Variants in MAN1A2 observed in about 807,000 individuals in gnomAD.
MAN1A2 encodes mannosidase alpha class 1A member 2, also known as mannosyl-oligosaccharide 1,2-alpha-mannosidase IB.
A neutral mutation model predicts 75.7 loss-of-function variants in MAN1A2; 26 were observed. The observed-to-expected ratio is 0.34, with a 90% CI of 0.25 to 0.48. MAN1A2 has a LOEUF of 0.48. Ranked by LOEUF, MAN1A2 falls within the 20% of genes least tolerant of loss-of-function variation. MAN1A2 has a pLI of 0.99. For missense variants in MAN1A2, 562 were observed against 775.5 expected (o/e 0.72, Z 3.27); for synonymous variants, 247 against 264.6 (o/e 0.93, Z 0.65).
At chr1:117,464,114 C>A (rs945588408) in intron 7 of MAN1A2, among the ~76,000 whole-genome samples, 11 of 152,076 alleles carry the variant, frequency 7.2e-5, no homozygotes, top group Admixed American at 5.9e-4. Flanking sequence ...ACCTGTAGTA[C>A]CAGCACTTTG....
chr1:117,417,730 TCTC>T (rs1245627572), intron 4 of MAN1A2, among the ~76,000 whole-genome samples: 1 of 150,562 alleles, frequency 6.6e-6, no homozygotes, highest in Non-Finnish European at 1.5e-5. Context: ...TCTCTCTCTC[TCTC>T]ATCAAAGTAT....
At chr1:117,436,049 C>A (rs1179024600) in intron 5 of MAN1A2, among the ~76,000 whole-genome samples, 2 of 151,826 alleles carry the variant, frequency 1.3e-5, no homozygotes, top group Non-Finnish European at 2.9e-5. Flanking sequence ...CAGAGTGAGA[C>A]TCCGTTTCAA....
rs115220199 is a variant in MAN1A2 at position 117,373,330 on chromosome 1, C to G, written c.302+4845C>G. Among the ~76,000 whole-genome samples, 1,058 of 152,152 alleles carry G rather than the reference C, an allele frequency of 7.0e-3. 6 individuals are homozygous for G. Among genetic ancestry groups the G allele is most frequent in the Middle Eastern group, 0.02 (6 of 294 alleles). ...GGGCGACGTCACATTGTTTTATGCA[C>G]TAATATTAAAGTCTGCTGGATGTTC... On this transcript the variant is annotated intron_variant, in intron 1 of 12. Transcript: ENST00000356554.
At chr1:117,381,795 C>A (rs953074491) in intron 1 of MAN1A2, among the ~76,000 whole-genome samples, 3 of 152,052 alleles carry the variant, frequency 2.0e-5, no homozygotes, top group African/African-American at 7.2e-5. Context: ...AGTTTACAGT[C>A]CCACCAACAG....
chr1:117,418,018 C>T (rs943824227), intron 4 of MAN1A2, among the ~76,000 whole-genome samples: 2 of 152,010 alleles, frequency 1.3e-5, no homozygotes, highest in African/African-American at 4.8e-5. Context: ...TGTACTCTAG[C>T]CTGGGCAACA....
intron 5 of MAN1A2, among the ~76,000 whole-genome samples, chr1:117,431,899 G>T (rs1391321810): frequency 1.3e-5 from 2 of 152,180 alleles, no homozygotes; most frequent in African/African-American, 4.8e-5. Context: ...GCAGTGAGCT[G>T]TGATCACACT....
intron 12 of MAN1A2, among the ~76,000 whole-genome samples, chr1:117,519,417 A>G (rs535063954): frequency 6.6e-6 from 1 of 152,172 alleles, no homozygotes; most frequent in African/African-American, 2.4e-5. Flanking sequence ...GAAAAGATAA[A>G]ATTGATAGAC....
rs186886573 is a variant in MAN1A2 at position 117,451,376 on chromosome 1, C to T, written c.950+9051C>T. ...GATTTTGACTTTACAGGCATGTAGG[C>T]GGAGGGGACTTGCCTTGTTTCAGAT... On this transcript the variant is annotated intron_variant, in intron 6 of 12. Transcript: ENST00000356554. 4.6e-5 allele frequency among the ~76,000 whole-genome samples: 7 copies of T among 152,310 alleles called. No individual in the cohort carries two copies. The East Asian group carries it at 9.6e-4, about 21-fold the overall frequency.
At position 117,431,059 on chromosome 1, in the gene MAN1A2, C is replaced by T. The variant is rs1346627908; in HGVS notation, c.855+10410C>T. Reference sequence around the variant, plus strand: ...CCCGTCTCCACCAAAACCAGTCAGGCGTGGCAGCGCGTGCCTGCAATCGCA... The same window carrying T: ...CCCGTCTCCACCAAAACCAGTCAGGTGTGGCAGCGCGTGCCTGCAATCGCA... On this transcript the variant is annotated intron_variant, in intron 5 of 12. Transcript: ENST00000356554. 7.2e-5 allele frequency among the ~76,000 whole-genome samples: 10 copies of T among 138,826 alleles called. No individual in the cohort carries two copies. The South Asian group carries it at 1.3e-3, about 18-fold the overall frequency. 91.1% of individuals were successfully genotyped at this position (138,826 alleles called of 152,430 possible).
intron 1 of MAN1A2, among the ~76,000 whole-genome samples, chr1:117,390,098 GTTTA>G (rs766555794): frequency 5.3e-5 from 8 of 151,804 alleles, no homozygotes; most frequent in African/African-American, 4.9e-5. Context: ...TAGTTTGTTT[GTTTA>G]TTTATTTATT....
chr1:117,369,596 G>C (rs941816387), intron 1 of MAN1A2, among the ~76,000 whole-genome samples: 1 of 152,140 alleles, frequency 6.6e-6, no homozygotes, highest in Non-Finnish European at 1.5e-5. Flanking sequence ...TTCATTACTT[G>C]TGTGATGGTT....
intron 6 of MAN1A2, among the ~76,000 whole-genome samples, chr1:117,453,456 G>GGATT (rs1649484962): frequency 6.6e-6 from 1 of 152,136 alleles, no homozygotes; most frequent in Admixed American, 6.5e-5. Flanking sequence ...CAGTCCTCAT[G>GGATT]GGTGATTTTG....
intron 7 of MAN1A2, among the ~76,000 whole-genome samples, chr1:117,463,119 TAAA>T (rs982831976): frequency 1.3e-5 from 2 of 150,706 alleles, no homozygotes; most frequent in Admixed American, 6.6e-5. Context: ...TTAATTATGT[TAAA>T]AATTATTTTT....
chr1:117,374,943 ATAT>A lies in MAN1A2; in HGVS notation c.302+6466_302+6468del, dbSNP rs1275357630. Among the ~76,000 whole-genome samples, 10 of 152,344 alleles carry A rather than the reference ATAT, an allele frequency of 6.6e-5. No individual in the cohort carries two copies. The South Asian group carries it at 1.2e-3, about 19-fold the overall frequency. On this transcript the variant is annotated intron_variant, in intron 1 of 12. Transcript: ENST00000356554. ...GAAATGACTAAAATTTATTTACATA[ATAT>A]TATTATTTACATAATGAAATCTATA... is the stretch of plus-strand genomic sequence containing the variant.
intron 9 of MAN1A2, 79 bp from the exon 10 acceptor site, chr1:117,496,684 A>G: frequency 9.7e-7 from 1 of 1,035,352 alleles, no homozygotes; most frequent in Non-Finnish European, 1.5e-6. Flanking sequence ...CCCAGGTTTT[A>G]TAATGGCCAG....
chr1:117,419,313 G>C (rs1242733933), intron 4 of MAN1A2, among the ~76,000 whole-genome samples: 1 of 152,064 alleles, frequency 6.6e-6, no homozygotes, highest in Non-Finnish European at 1.5e-5. Context: ...GCAGGGACTG[G>C]TTGGAAGGTT....
At chr1:117,468,066 G>C (rs1650034261) in intron 8 of MAN1A2, among the ~76,000 whole-genome samples, 1 of 152,068 alleles carries the variant, frequency 6.6e-6, no homozygotes, top group Admixed American at 6.6e-5. Flanking sequence ...CTGCTATAAA[G>C]AACTGCCTGA....
At chr1:117,422,452 A>G (rs1324302749) in intron 5 of MAN1A2, among the ~76,000 whole-genome samples, 2 of 152,128 alleles carry the variant, frequency 1.3e-5, no homozygotes, top group Admixed American at 1.3e-4. Flanking sequence ...GGGAAAATAA[A>G]TTTTTATTTA....
intron 1 of MAN1A2, among the ~76,000 whole-genome samples, chr1:117,370,199 C>T (rs1652913333): frequency 6.6e-6 from 1 of 152,114 alleles, no homozygotes; most frequent in Admixed American, 6.5e-5. Flanking sequence ...ATGTATTTAG[C>T]TATCTAAAAC....
Sources: gnomAD v4.1 joint callset for allele counts (sites outside exome capture counted in the v4.1 genomes callset) on GRCh38, gnomAD v4.1.1 for gene constraint, MANE v1.5 for transcripts, NCBI Gene and HGNC (gene_info 2026-07-23, HGNC 2026-07-21) for gene names.